Variants in EYS observed in about 807,000 individuals in gnomAD.
The protein encoded by EYS is protein eyes shut homolog.
A neutral mutation model predicts 282.1 loss-of-function variants in EYS; 250 were observed. The ratio of observed to expected loss-of-function variants is 0.89; its 90% CI spans 0.80 to 0.98. The LOEUF is 0.98. Ranked by LOEUF, EYS falls within the 50% of genes least tolerant of loss-of-function variation. EYS has a pLI of 0.00. For synonymous variants in EYS, 1,355 were observed against 1,282.9 expected (o/e 1.06, Z -1.20); for missense variants, 4,016 against 3,709.0 (o/e 1.08, Z -2.15).
intron 34 of EYS, among the ~76,000 whole-genome samples, chr6:63,986,747 G>T (rs1461995850): frequency 6.6e-6 from 1 of 151,604 alleles, no homozygotes; most frequent in African/African-American, 2.4e-5. Flanking sequence ...TGAACACAAA[G>T]AAGGAAACAA....
chr6:64,451,848 G>A (rs918894028), intron 26 of EYS, among the ~76,000 whole-genome samples: 4 of 152,176 alleles, frequency 2.6e-5, no homozygotes, highest in African/African-American at 9.7e-5. Context: ...AGGTATTGAT[G>A]GGACGTATCT....
chr6:63,797,138 AT>A (rs1366729861), intron 37 of EYS: 1 of 152,212 alleles, frequency 6.6e-6, no homozygotes, highest in African/African-American at 2.4e-5. Context: ...CAAAATAATG[AT>A]TCTGCGACAG....
intron 31 of EYS, among the ~76,000 whole-genome samples, chr6:64,196,467 C>G (rs1765290513): frequency 6.6e-6 from 1 of 152,064 alleles, no homozygotes; most frequent in South Asian, 2.1e-4. Context: ...TGGCACTATT[C>G]ACAATAGCAA....
chr6:64,332,709 C>T (rs1385482123), intron 29 of EYS, among the ~76,000 whole-genome samples: 1 of 152,170 alleles, frequency 6.6e-6, no homozygotes. Flanking sequence ...TCGGTCCACG[C>T]ACAGCTGAAG....
chr6:63,901,753 T>C (rs1214831967), intron 35 of EYS, among the ~76,000 whole-genome samples: 1 of 151,494 alleles, frequency 6.6e-6, no homozygotes, highest in Non-Finnish European at 1.5e-5. Flanking sequence ...ATGTTTGGGA[T>C]CTGAACTATT....
At chr6:64,075,401 G>A (rs188821844) in intron 32 of EYS, among the ~76,000 whole-genome samples, 2 of 151,984 alleles carry the variant, frequency 1.3e-5, no homozygotes, top group Admixed American at 1.3e-4. Flanking sequence ...TTGGCTTCAG[G>A]CCAATTTCTG....
intron 31 of EYS, among the ~76,000 whole-genome samples, chr6:64,092,993 C>T (rs940731075): frequency 2.0e-5 from 3 of 151,790 alleles, no homozygotes; most frequent in African/African-American, 7.3e-5. Flanking sequence ...TTTCCCAGCA[C>T]CATTTATTAA....
chr6:64,483,405 T>C (rs144327733), intron 26 of EYS, among the ~76,000 whole-genome samples: 11 of 151,838 alleles, frequency 7.2e-5, no homozygotes, highest in Admixed American at 2.0e-4. Flanking sequence ...TGAAGAATTC[T>C]ACATTCCCAA....
intron 35 of EYS, among the ~76,000 whole-genome samples, chr6:63,884,801 T>C (rs7747508): frequency 0.12 from 17,945 of 152,120 alleles, 1,295 homozygotes; most frequent in African/African-American, 0.19. Context: ...CTATGTAAAT[T>C]CTTGGAGAGG....
intron 1 of EYS, among the ~76,000 whole-genome samples, chr6:65,674,683 A>G (rs1267306585): frequency 6.6e-6 from 1 of 152,018 alleles, no homozygotes; most frequent in Non-Finnish European, 1.5e-5. Flanking sequence ...CCAGATTAAC[A>G]AAAGTTGAGG....
intron 12 of EYS, among the ~76,000 whole-genome samples, chr6:65,224,660 A>G (rs1766571793): frequency 6.6e-6 from 1 of 152,174 alleles, no homozygotes; most frequent in South Asian, 2.1e-4. Flanking sequence ...GATTGACTAA[A>G]AAAAACAGCA....
intron 13 of EYS, among the ~76,000 whole-genome samples, chr6:65,046,031 C>G (rs983962580): frequency 6.6e-6 from 1 of 151,910 alleles, no homozygotes; most frequent in African/African-American, 2.4e-5. Flanking sequence ...TCTTAAGCAA[C>G]AGTTTTTTTC....
chr6:64,890,069 A>T (rs994034850), intron 18 of EYS, among the ~76,000 whole-genome samples: 1 of 143,350 alleles, frequency 7.0e-6, no homozygotes, highest in East Asian at 2.1e-4. Context: ...AGGTGTGCCC[A>T]TCTCTTATGG....
At chr6:65,387,078 T>C (rs985749305) in intron 7 of EYS, among the ~76,000 whole-genome samples, 3 of 151,996 alleles carry the variant, frequency 2.0e-5, no homozygotes, top group African/African-American at 7.2e-5. Context: ...ACTTTTTCCT[T>C]CCTAAAATGA....
chr6:65,297,098 T>C (rs772250089), intron 11 of EYS, among the ~76,000 whole-genome samples: 4 of 151,456 alleles, frequency 2.6e-5, no homozygotes, highest in Non-Finnish European at 5.9e-5. Context: ...GTTATTAATA[T>C]AAATTCTTAG....
At position 64,462,263 on chromosome 6, in the gene EYS, C is replaced by T. The variant is rs541404677; in HGVS notation, c.5645-22911G>A. ...GACTAAATTAATTTAACTTGGATGACATAATGCTTAGAGAATAAATTGCAA... is the reference window on the plus strand; with the variant it reads ...GACTAAATTAATTTAACTTGGATGATATAATGCTTAGAGAATAAATTGCAA... On this transcript the variant is annotated intron_variant, in intron 26 of 42. Transcript: ENST00000503581. Among the ~76,000 whole-genome samples the T allele has an allele frequency of 2.0e-5, 3 of 152,250 alleles. No individual in the cohort carries two copies. In the South Asian group the frequency reaches 6.2e-4, roughly 32 times the overall value.
At chr6:64,385,251 T>C (rs1435438489) in intron 29 of EYS, among the ~76,000 whole-genome samples, 1 of 152,204 alleles carries the variant, frequency 6.6e-6, no homozygotes, top group East Asian at 1.9e-4. Flanking sequence ...TCTAGATACA[T>C]TTTACAGTTT....
intron 12 of EYS, among the ~76,000 whole-genome samples, chr6:65,213,751 A>T (rs1396140458): frequency 6.6e-6 from 1 of 152,172 alleles, no homozygotes; most frequent in African/African-American, 2.4e-5. Flanking sequence ...CAACAATAGT[A>T]AAATTAGGTT....
chr6:65,663,945 C>T (rs1768109705), intron 1 of EYS, among the ~76,000 whole-genome samples: 2 of 139,940 alleles, frequency 1.4e-5, no homozygotes, highest in African/African-American at 5.4e-5. Context: ...AATCTCGGAT[C>T]ACTGCAAGCT....
Sources: gnomAD v4.1 joint callset for allele counts (sites outside exome capture counted in the v4.1 genomes callset) on GRCh38, gnomAD v4.1.1 for gene constraint, MANE v1.5 for transcripts, NCBI Gene and HGNC (gene_info 2026-07-23, HGNC 2026-07-21) for gene names.